Variants in DGKB observed in about 807,000 individuals in gnomAD.
DGKB encodes the protein 90 kDa diacylglycerol kinase.
In DGKB, 67 loss-of-function variants were observed where a neutral mutation model predicts 114.3. That is an observed-to-expected ratio of 0.59 (90% CI 0.48 to 0.72). The LOEUF (loss-of-function observed/expected upper bound fraction) is 0.72. Among genes scored for constraint, DGKB ranks in the 30% least tolerant of loss-of-function variants. The pLI is 0.00. For missense variants in DGKB, 907 were observed against 975.2 expected, an observed-to-expected ratio of 0.93 and a Z score of 0.93; for synonymous variants, 398 against 323.1, an observed-to-expected ratio of 1.23 and a Z score of -2.49.
At chr7:14,590,023 G>T (rs1414628558) in intron 17 of DGKB, among the ~76,000 whole-genome samples, 16 of 142,058 alleles carry the variant, frequency 1.1e-4, no homozygotes, top group South Asian at 2.4e-4. Context: ...GGTCGGGGGA[G>T]GGGGGAGGGA....
chr7:14,919,087 C>CAG (rs1397767010), intron 1 of DGKB, among the ~76,000 whole-genome samples: 4 of 119,904 alleles, frequency 3.3e-5, no homozygotes, highest in Non-Finnish European at 6.6e-5. Flanking sequence ...CACACACACA[C>CAG]ACACACAAAC....
chr7:14,786,941 C>T (rs1461787321), intron 2 of DGKB, among the ~76,000 whole-genome samples: 1 of 152,234 alleles, frequency 6.6e-6, no homozygotes, highest in Non-Finnish European at 1.5e-5. Context: ...TGTGGATCTC[C>T]TCTCCACTGA....
intron 23 of DGKB, among the ~76,000 whole-genome samples, chr7:14,311,093 A>G (rs1159336558): frequency 6.6e-6 from 1 of 152,146 alleles, no homozygotes; most frequent in Non-Finnish European, 1.5e-5. Flanking sequence ...ACGCCACTGC[A>G]CTCCAGCCTG....
At chr7:14,510,052 T>G (rs1563359592) in intron 20 of DGKB, among the ~76,000 whole-genome samples, 1 of 152,056 alleles carries the variant, frequency 6.6e-6, no homozygotes, top group Non-Finnish European at 1.5e-5. Context: ...GGCGGGCGCC[T>G]GTAGTCCCAG....
intron 23 of DGKB, among the ~76,000 whole-genome samples, chr7:14,206,412 T>A (rs1018401225): frequency 5.9e-5 from 9 of 151,998 alleles, no homozygotes; most frequent in African/African-American, 2.2e-4. Flanking sequence ...AGTGCAAAAG[T>A]ACAGCAAAAG....
chr7:14,677,006 T>C (rs1013637397), intron 12 of DGKB, among the ~76,000 whole-genome samples: 1 of 152,026 alleles, frequency 6.6e-6, no homozygotes, highest in African/African-American at 2.4e-5. Context: ...AGGAAAATCA[T>C]ATAATAGAAA....
upstream of DGKB, among the ~76,000 whole-genome samples, chr7:14,905,244 GTTTTT>G (rs55752603): frequency 9.3e-4 from 130 of 139,352 alleles, no homozygotes; most frequent in African/African-American, 2.2e-3. Context: ...CATCTTGTTA[GTTTTT>G]TTTTTTTTTT....
At chr7:14,216,725 CAAAAAA>C (rs755191130) in intron 23 of DGKB, among the ~76,000 whole-genome samples, 4 of 50,352 alleles carry the variant, frequency 7.9e-5, no homozygotes, top group Non-Finnish European at 4.0e-5. Flanking sequence ...GACTCCGTCT[CAAAAAA>C]AAAAAAAAAA....
At chr7:14,710,160 ATTC>A (rs1232540741) in intron 6 of DGKB, among the ~76,000 whole-genome samples, 1 of 152,024 alleles carries the variant, frequency 6.6e-6, no homozygotes, top group Non-Finnish European at 1.5e-5. Context: ...ACCATATTAT[ATTC>A]TTCTTTATTT....
At chr7:14,543,423 C>T (rs1000111882) in intron 20 of DGKB, among the ~76,000 whole-genome samples, 6 of 151,112 alleles carry the variant, frequency 4.0e-5, no homozygotes, top group African/African-American at 9.8e-5. Context: ...CCAGCGTGGA[C>T]GACAGAGTGA....
intron 2 of DGKB, among the ~76,000 whole-genome samples, chr7:14,763,018 T>C (rs990788954): frequency 1.3e-5 from 2 of 152,118 alleles, no homozygotes; most frequent in Admixed American, 6.6e-5. Flanking sequence ...CTTGGCACCA[T>C]AGGTGTGTCA....
intron 1 of DGKB, among the ~76,000 whole-genome samples, chr7:14,847,926 C>G (rs1848856822): frequency 6.6e-6 from 1 of 152,032 alleles, no homozygotes. Context: ...TCCTGGTAAG[C>G]AAGAAGTAAA....
intron 6 of DGKB, among the ~76,000 whole-genome samples, chr7:14,706,441 G>C (rs201351140): frequency 0.22 from 33,318 of 149,128 alleles, 4,597 homozygotes; most frequent in East Asian, 0.56. Flanking sequence ...CCCAGGAATT[G>C]AACTCAGCTC....
At chr7:14,232,474 T>C (rs1025124005) in intron 23 of DGKB, among the ~76,000 whole-genome samples, 5 of 151,682 alleles carry the variant, frequency 3.3e-5, no homozygotes, top group African/African-American at 1.2e-4. Context: ...CTTAGGATGA[T>C]TGGCCATATG....
intron 2 of DGKB, among the ~76,000 whole-genome samples, chr7:14,759,934 CT>C (rs1176409161): frequency 6.6e-6 from 1 of 152,062 alleles, no homozygotes; most frequent in Non-Finnish European, 1.5e-5. Flanking sequence ...TTTTCTAACC[CT>C]TTTTTTGTTA....
chr7:14,489,580 C>A (rs1287297216), intron 20 of DGKB, among the ~76,000 whole-genome samples: 1 of 152,140 alleles, frequency 6.6e-6, no homozygotes, highest in Non-Finnish European at 1.5e-5. Flanking sequence ...AAAGACTTAT[C>A]ATCTTTGAAT....
intron 21 of DGKB, among the ~76,000 whole-genome samples, chr7:14,450,250 G>A (rs1381508050): frequency 6.6e-6 from 1 of 152,030 alleles, no homozygotes; most frequent in African/African-American, 2.4e-5. Flanking sequence ...TCAACAACAT[G>A]AATATCTTCA....
intron 21 of DGKB, among the ~76,000 whole-genome samples, chr7:14,441,068 G>GTA (rs1352752450): frequency 1.3e-5 from 2 of 151,950 alleles, no homozygotes; most frequent in African/African-American, 4.8e-5. Flanking sequence ...CCAGGCTGGA[G>GTA]TACAGCGGCA....
intron 19 of DGKB, among the ~76,000 whole-genome samples, chr7:14,574,749 C>T (rs1389095163): frequency 1.3e-5 from 2 of 152,212 alleles, no homozygotes; most frequent in Non-Finnish European, 2.9e-5. Context: ...CTCTACCCAG[C>T]TGCTAAAGTC....
Sources: gnomAD v4.1 joint callset for allele counts (sites outside exome capture counted in the v4.1 genomes callset) on GRCh38, gnomAD v4.1.1 for gene constraint, MANE v1.5 for transcripts, NCBI Gene and HGNC (gene_info 2026-07-23, HGNC 2026-07-21) for gene names.